The following GALNT13 variants were observed in gnomAD, a reference collection of about 807,000 sequenced individuals.
The protein encoded by GALNT13 is UDP-GalNAc:polypeptide N-acetylgalactosaminyltransferase 13.
A neutral mutation model predicts 64.2 loss-of-function variants in GALNT13; 28 were observed. The observed-to-expected ratio is 0.44, with a 90% CI of 0.32 to 0.60. The LOEUF is 0.60. Ranked by LOEUF, GALNT13 falls within the 20% of genes least tolerant of loss-of-function variation. The pLI is 0.05. For synonymous variants in GALNT13, 214 were observed against 224.6 expected (o/e 0.95, Z 0.42); for missense variants, 577 against 669.8 (o/e 0.86, Z 1.53).
chr2:154,159,323 T>TGAGGTTTCACCATGTTGGC (rs927284858), intron 4 of GALNT13, among the ~76,000 whole-genome samples: 1 of 151,824 alleles, frequency 6.6e-6, no homozygotes, highest in African/African-American at 2.4e-5. Flanking sequence ...TTAGTAGAGA[T>TGAGGTTTCACCATGTTGGC]GAGGTTTCAC....
At chr2:154,202,649 A>G (rs2105782398) in intron 4 of GALNT13, among the ~76,000 whole-genome samples, 1 of 152,266 alleles carries the variant, frequency 6.6e-6, no homozygotes, top group South Asian at 2.1e-4. Context: ...TTTTATAAGC[A>G]TATATTTATT....
At chr2:153,512,799 T>A in the GALNT13 span, among the ~76,000 whole-genome samples, 6 of 152,234 alleles carry the variant, frequency 3.9e-5, no homozygotes, top group Admixed American at 6.5e-5. Flanking sequence ...TTACTCATTT[T>A]TAATTTGCGT....
the GALNT13 span, among the ~76,000 whole-genome samples, chr2:153,320,458 A>G: frequency 4.6e-5 from 7 of 152,166 alleles, no homozygotes; most frequent in Admixed American, 6.6e-5. Context: ...AACATGACAG[A>G]TGAGGTCATT....
At chr2:153,361,692 C>A in the GALNT13 span, among the ~76,000 whole-genome samples, 5 of 151,744 alleles carry the variant, frequency 3.3e-5, no homozygotes, top group Admixed American at 2.0e-4. Context: ...TGAAAAGGAA[C>A]AAACAAAACC....
chr2:153,078,345 G>A, the GALNT13 span, among the ~76,000 whole-genome samples: 1 of 142,130 alleles, frequency 7.0e-6, no homozygotes, highest in Non-Finnish European at 1.5e-5. Context: ...CTAAGATGGA[G>A]TCTCACTCCA....
At chr2:154,144,540 A>G (rs1441107631) in intron 4 of GALNT13, among the ~76,000 whole-genome samples, 1 of 152,174 alleles carries the variant, frequency 6.6e-6, no homozygotes, top group Non-Finnish European at 1.5e-5. Flanking sequence ...TTGAGTTGAT[A>G]CTTAGAAAGT....
chr2:154,291,804 C>T (rs777900450), intron 8 of GALNT13, among the ~76,000 whole-genome samples: 7 of 152,250 alleles, frequency 4.6e-5, no homozygotes, highest in African/African-American at 7.2e-5. Context: ...ACGCTGAGGC[C>T]GAGGCCGAGG....
chr2:153,496,870 T>A, the GALNT13 span, among the ~76,000 whole-genome samples: 6 of 151,782 alleles, frequency 4.0e-5, no homozygotes, highest in African/African-American at 1.5e-4. Context: ...GGTGCACGCC[T>A]GTAGTCCCAG....
chr2:154,059,519 T>C (rs1197505792), intron 3 of GALNT13, among the ~76,000 whole-genome samples: 1 of 152,198 alleles, frequency 6.6e-6, no homozygotes, highest in Non-Finnish European at 1.5e-5. Context: ...CCAAATTGTA[T>C]ATGCACCATT....
At chr2:154,020,856 C>G (rs1429407952) in intron 3 of GALNT13, among the ~76,000 whole-genome samples, 1 of 151,926 alleles carries the variant, frequency 6.6e-6, no homozygotes, top group East Asian at 1.9e-4. Context: ...AGTCTTTAAT[C>G]CATCTTGAAT....
At chr2:153,952,158 T>C (rs552287922) in intron 3 of GALNT13, among the ~76,000 whole-genome samples, 1 of 152,008 alleles carries the variant, frequency 6.6e-6, no homozygotes, top group Non-Finnish European at 1.5e-5. Context: ...TTTGGCAGAG[T>C]TAGAATAGGT....
chr2:153,209,483 A>G, the GALNT13 span, among the ~76,000 whole-genome samples: 2 of 152,236 alleles, frequency 1.3e-5, no homozygotes, highest in African/African-American at 4.8e-5. Flanking sequence ...CTGATCATGT[A>G]TGTGTGTGTT....
At chr2:154,339,355 A>G (rs754754065) in intron 9 of GALNT13, among the ~76,000 whole-genome samples, 8 of 152,040 alleles carry the variant, frequency 5.3e-5, no homozygotes, top group Admixed American at 1.3e-4. Flanking sequence ...TCTAATTTGG[A>G]GGAACTTTGG....
At position 154,082,516 on chromosome 2, in the gene GALNT13, T is replaced by A. The variant is rs146393477; in HGVS notation, c.143-57821T>A. Among the ~76,000 whole-genome samples the A allele has an allele frequency of 3.9e-3, 589 of 151,812 alleles. 2 individuals carry two copies. The highest frequency in any genetic ancestry group is 0.014 in the African/African-American group (564 of 41,484). ...TTATGTGCAACTCTATTGTGATGAA[T>A]ATTATGAAATGTAACTGTTTCTTCA... On this transcript the variant is annotated intron_variant, in intron 3 of 12. Coordinates refer to ENST00000392825, the MANE Select transcript of GALNT13 (RefSeq NM_052917.4).
chr2:154,167,178 A>T (rs967753165), intron 4 of GALNT13, among the ~76,000 whole-genome samples: 1 of 152,150 alleles, frequency 6.6e-6, no homozygotes, highest in African/African-American at 2.4e-5. Context: ...AAATATTGTT[A>T]GGGCCTATCA....
chr2:154,360,309 C>G (rs185460248), intron 9 of GALNT13, among the ~76,000 whole-genome samples: 1 of 152,210 alleles, frequency 6.6e-6, no homozygotes, highest in Non-Finnish European at 1.5e-5. Flanking sequence ...AAACAATAAT[C>G]CATTTATAGT....
the GALNT13 span, among the ~76,000 whole-genome samples, chr2:153,308,919 GA>G: frequency 1.1e-4 from 17 of 151,936 alleles, no homozygotes; most frequent in East Asian, 1.9e-4. Context: ...GAGAGAAAGA[GA>G]AAAAAAATTT....
chr2:153,997,710 GGTA>G (rs1333125205), intron 3 of GALNT13, among the ~76,000 whole-genome samples: 8 of 151,988 alleles, frequency 5.3e-5, no homozygotes, highest in Non-Finnish European at 1.0e-4. Flanking sequence ...TTGTAACATA[GGTA>G]TACATGTACC....
the GALNT13 span, among the ~76,000 whole-genome samples, chr2:153,322,624 G>A: frequency 9.3e-3 from 1,416 of 152,116 alleles, 26 homozygotes; most frequent in East Asian, 0.085. Context: ...TCTACATTAG[G>A]TATTTCTGCT....
Sources: gnomAD v4.1 joint callset for allele counts (sites outside exome capture counted in the v4.1 genomes callset) on GRCh38, gnomAD v4.1.1 for gene constraint, MANE v1.5 for transcripts, NCBI Gene and HGNC (gene_info 2026-07-23, HGNC 2026-07-21) for gene names.